Variants in ZNF704 observed in about 807,000 individuals in gnomAD.
The protein encoded by ZNF704 is glucocorticoid induced gene 1.
ZNF704 carries 10 observed loss-of-function variants against 44.7 expected under a neutral mutation model. The observed-to-expected ratio is 0.22, with a 90% confidence interval of 0.14 to 0.38. ZNF704 has a LOEUF of 0.38. Ranked by LOEUF, ZNF704 falls within the 10% of genes least tolerant of loss-of-function variation. ZNF704 has a pLI of 1.00. For synonymous variants in ZNF704, 211 were observed against 207.6 expected (o/e 1.02, Z -0.14); for missense variants, 390 against 545.5 (o/e 0.71, Z 2.84).
chr8:80,818,194 A>G (rs1410678179), intron 2 of ZNF704, among the ~76,000 whole-genome samples: 2 of 152,232 alleles, frequency 1.3e-5, no homozygotes, highest in Admixed American at 6.5e-5. Context: ...AAGTTCAACA[A>G]AAATCTTAGC....
chr8:80,763,347 T>A (rs1337643530), intron 2 of ZNF704, among the ~76,000 whole-genome samples: 1 of 152,214 alleles, frequency 6.6e-6, no homozygotes, highest in Non-Finnish European at 1.5e-5. Context: ...TTTTCATACA[T>A]TCTCTGAAAT....
intron 8 of ZNF704, among the ~76,000 whole-genome samples, chr8:80,641,712 C>A (rs1458611020): frequency 1.3e-5 from 2 of 152,072 alleles, no homozygotes; most frequent in Non-Finnish European, 2.9e-5. Context: ...ACTTAAAACA[C>A]ACAAAAATTA....
intron 1 of ZNF704, among the ~76,000 whole-genome samples, chr8:80,826,009 T>A (rs1284019886): frequency 6.6e-6 from 1 of 151,796 alleles, no homozygotes; most frequent in African/African-American, 2.4e-5. Context: ...ACATCACAAT[T>A]AAAAGAACTA....
intron 3 of ZNF704, among the ~76,000 whole-genome samples, chr8:80,692,400 C>T (rs746350594): frequency 6.6e-6 from 1 of 152,176 alleles, no homozygotes; most frequent in African/African-American, 2.4e-5. Context: ...TTTACTGACA[C>T]ATAGTAATGC....
At chr8:80,693,529 A>T (rs1325817471) in intron 2 of ZNF704, among the ~76,000 whole-genome samples, 1 of 152,230 alleles carries the variant, frequency 6.6e-6, no homozygotes, top group Non-Finnish European at 1.5e-5. Context: ...TGAAGCGCAT[A>T]AACAGGCTAA....
At chr8:80,735,919 A>G (rs1239203023) in intron 2 of ZNF704, among the ~76,000 whole-genome samples, 1 of 152,240 alleles carries the variant, frequency 6.6e-6, no homozygotes, top group African/African-American at 2.4e-5. Context: ...TGTATGCTTT[A>G]CAAAGAGAAA....
chr8:80,653,920 C>T (rs147644531), intron 7 of ZNF704, among the ~76,000 whole-genome samples: 8 of 152,034 alleles, frequency 5.3e-5, no homozygotes, highest in South Asian at 2.1e-4. Context: ...GGAGGCATCA[C>T]GCTACCTGAC....
chr8:80,747,066 T>G (rs1025676118), intron 2 of ZNF704, among the ~76,000 whole-genome samples: 3 of 152,142 alleles, frequency 2.0e-5, no homozygotes, highest in African/African-American at 7.2e-5. Flanking sequence ...ATCTGGACTT[T>G]CCACATCTGC....
chr8:80,661,552 C>A (rs1818102225), intron 6 of ZNF704, among the ~76,000 whole-genome samples: 1 of 152,088 alleles, frequency 6.6e-6, no homozygotes, highest in Non-Finnish European at 1.5e-5. Context: ...ACCTAAGTGT[C>A]CATCAACAGA....
At chr8:80,696,475 T>C (rs1374543706) in intron 2 of ZNF704, among the ~76,000 whole-genome samples, 1 of 152,196 alleles carries the variant, frequency 6.6e-6, no homozygotes, top group African/African-American at 2.4e-5. Context: ...TGGAGTGCAG[T>C]GGTGTTATCT....
intron 1 of ZNF704, among the ~76,000 whole-genome samples, chr8:80,859,441 G>A (rs999996854): frequency 6.6e-6 from 1 of 152,100 alleles, no homozygotes; most frequent in Admixed American, 6.5e-5. Context: ...AGCAAGTGTT[G>A]GAGTAACAGC....
chr8:80,717,025 T>C (rs536134803), intron 2 of ZNF704, among the ~76,000 whole-genome samples: 1 of 152,362 alleles, frequency 6.6e-6, no homozygotes, highest in South Asian at 2.1e-4. Flanking sequence ...CATTTTTAAG[T>C]TGCAAAGGCA....
chr8:80,673,656 T>A (rs1186544467), intron 4 of ZNF704, among the ~76,000 whole-genome samples: 1 of 152,204 alleles, frequency 6.6e-6, no homozygotes, highest in African/African-American at 2.4e-5. Context: ...GGAATCAGTA[T>A]CCAGATGATT....
intron 2 of ZNF704, among the ~76,000 whole-genome samples, chr8:80,740,547 C>T (rs1321137363): frequency 6.6e-6 from 1 of 152,172 alleles, no homozygotes; most frequent in Non-Finnish European, 1.5e-5. Context: ...AGAAACCCAA[C>T]AGACAGTGGA....
At chr8:80,793,298 T>C (rs752734166) in intron 2 of ZNF704, among the ~76,000 whole-genome samples, 20 of 152,174 alleles carry the variant, frequency 1.3e-4, no homozygotes, top group Non-Finnish European at 2.4e-4. Context: ...ACATGTTATC[T>C]GGAGAACACC....
chr8:80,743,657 C>A (rs1486475163), intron 2 of ZNF704, among the ~76,000 whole-genome samples: 1 of 152,190 alleles, frequency 6.6e-6, no homozygotes, highest in Non-Finnish European at 1.5e-5. Context: ...AGTCTCCATT[C>A]CTTTCTCAGC....
intron 2 of ZNF704, among the ~76,000 whole-genome samples, chr8:80,816,057 C>A (rs1216165769): frequency 6.6e-6 from 1 of 152,200 alleles, no homozygotes; most frequent in Non-Finnish European, 1.5e-5. Context: ...ACTGTCTGTT[C>A]TTACAACCAA....
chr8:80,797,639 G>A (rs1457610737), intron 2 of ZNF704, among the ~76,000 whole-genome samples: 1 of 152,136 alleles, frequency 6.6e-6, no homozygotes, highest in African/African-American at 2.4e-5. Flanking sequence ...AGGACCCTGG[G>A]CAGGAAGCCC....
chr8:80,648,468 A>G (rs1817866188), intron 7 of ZNF704, among the ~76,000 whole-genome samples: 2 of 152,200 alleles, frequency 1.3e-5, no homozygotes, highest in Admixed American at 6.5e-5. Flanking sequence ...GGGTGGAGAA[A>G]CCAAGGGAGT....
Sources: allele counts gnomAD v4.1 joint callset (sites outside exome capture counted in the v4.1 genomes callset), GRCh38; gene constraint gnomAD v4.1.1; transcripts MANE v1.5; gene names NCBI Gene and HGNC (gene_info 2026-07-23, HGNC 2026-07-21).